Variants in PHLPP1 observed in about 807,000 individuals in gnomAD.
PHLPP1 encodes the protein PH domain leucine-rich repeat-containing protein phosphatase 1.
In PHLPP1, 42 loss-of-function variants were observed where a neutral mutation model predicts 117.2. The ratio of observed to expected loss-of-function variants is 0.36; its 90% CI spans 0.28 to 0.46. PHLPP1 has a LOEUF of 0.46. Among genes scored for constraint, PHLPP1 ranks in the 20% least tolerant of loss-of-function variants. The pLI is 1.00. For missense variants in PHLPP1, 2,084 were observed against 2,241.9 expected (o/e 0.93, Z 1.42); for synonymous variants, 1,042 against 970.7 (o/e 1.07, Z -1.37).
chr18:62,939,804 G>A (rs1910077086), intron 10 of PHLPP1, among the ~76,000 whole-genome samples: 1 of 152,034 alleles, frequency 6.6e-6, no homozygotes, highest in Admixed American at 6.6e-5. Flanking sequence ...AGCTTGAAGT[G>A]ACAGTCCTGG....
intron 1 of PHLPP1, among the ~76,000 whole-genome samples, chr18:62,764,436 G>T (rs1161989970): frequency 6.7e-6 from 1 of 149,840 alleles, no homozygotes; most frequent in Non-Finnish European, 1.5e-5. Flanking sequence ...ATGAAATTGG[G>T]GATGAACCAA....
intron 1 of PHLPP1, among the ~76,000 whole-genome samples, chr18:62,787,271 A>G (rs192937323): frequency 6.6e-6 from 1 of 152,112 alleles, no homozygotes; most frequent in Non-Finnish European, 1.5e-5. Context: ...CCTGTAAATG[A>G]TTCTCCTGCC....
rs150152781 is a variant in PHLPP1, at chr18:62,836,527, T to C, written c.1774-2257T>C. ...TTTTGATGCAACATTTTGTTCAAGA[T>C]AAATCTTTGTGACCATGGTTACCTG... On this transcript the variant is annotated intron_variant, in intron 2 of 16. Transcript: ENST00000262719. 7.8e-3 allele frequency among the ~76,000 whole-genome samples: 1,191 copies of C among 151,894 alleles called. 20 individuals are homozygous for C. Among genetic ancestry groups the C allele is most frequent in the African/African-American group, 0.027 (1,138 of 41,498 alleles).
chr18:62,869,720 G>A (rs138311293), intron 4 of PHLPP1, among the ~76,000 whole-genome samples: 277 of 152,280 alleles, frequency 1.8e-3, no homozygotes, highest in Non-Finnish European at 2.8e-3. Flanking sequence ...TTTGTTTAAG[G>A]TAGAGAATTT....
intron 4 of PHLPP1, among the ~76,000 whole-genome samples, chr18:62,891,725 A>AT (rs1916413595): frequency 2.3e-5 from 2 of 86,604 alleles, no homozygotes; most frequent in African/African-American, 8.6e-5. Context: ...CTTCGTCTCT[A>AT]CAAAAAAAAA....
chr18:62,868,896 A>T lies in PHLPP1; in HGVS notation c.2066+8295A>T, dbSNP rs183405814. Among the ~76,000 whole-genome samples the T allele has an allele frequency of 3.9e-5, 6 of 152,320 alleles. No homozygotes were observed. In the East Asian group the frequency reaches 1.2e-3, roughly 29 times the overall value. ...AGAGATCATATGTTCAATAATCAGCATCTCAGAAAATGAGTATATTACACT... is the reference window on the plus strand; with the variant it reads ...AGAGATCATATGTTCAATAATCAGCTTCTCAGAAAATGAGTATATTACACT... On this transcript the variant is annotated intron_variant, in intron 4 of 16. Coordinates refer to ENST00000262719, the MANE Select transcript of PHLPP1 (RefSeq NM_194449.4).
chr18:62,874,534 A>G (rs1482168850), intron 4 of PHLPP1, among the ~76,000 whole-genome samples: 8 of 152,102 alleles, frequency 5.3e-5, no homozygotes, highest in African/African-American at 1.9e-4. Context: ...AAGGGCAATT[A>G]TTTACCAAGT....
chr18:62,724,077 A>C (rs944309332), intron 1 of PHLPP1, among the ~76,000 whole-genome samples: 1 of 152,202 alleles, frequency 6.6e-6, no homozygotes, highest in African/African-American at 2.4e-5. Context: ...GAGGTTGCCA[A>C]CCAAACAAAG....
At chr18:62,752,907 AGT>A (rs1412618932) in intron 1 of PHLPP1, among the ~76,000 whole-genome samples, 3 of 152,252 alleles carry the variant, frequency 2.0e-5, no homozygotes, top group Non-Finnish European at 2.9e-5. Context: ...GTAGACAATA[AGT>A]GTGAATAACT....
chr18:62,819,603 TAAAA>T (rs776426488), intron 1 of PHLPP1, among the ~76,000 whole-genome samples: 3 of 152,122 alleles, frequency 2.0e-5, no homozygotes, highest in Non-Finnish European at 4.4e-5. Context: ...TTATCAGATT[TAAAA>T]AAAGAGGTAA....
At chr18:62,821,435 G>A (rs1914450544) in intron 1 of PHLPP1, among the ~76,000 whole-genome samples, 1 of 151,522 alleles carries the variant, frequency 6.6e-6, no homozygotes, top group Admixed American at 6.6e-5. Flanking sequence ...TGTAGTCCCA[G>A]CTACTTGGGA....
At chr18:62,913,732 TC>T in intron 8 of PHLPP1, among the ~76,000 whole-genome samples, 2 of 119,444 alleles carry the variant, frequency 1.7e-5, no homozygotes, top group South Asian at 5.2e-4. Flanking sequence ...TTTAGTTCTC[TC>T]TCTCTCTTTT....
At chr18:62,793,219 G>A (rs753162105) in intron 1 of PHLPP1, among the ~76,000 whole-genome samples, 1 of 152,188 alleles carries the variant, frequency 6.6e-6, no homozygotes, top group African/African-American at 2.4e-5. Context: ...CTTATCGAGT[G>A]AATGTAGATT....
At chr18:62,864,690 AGTT>A (rs1314220064) in intron 4 of PHLPP1, among the ~76,000 whole-genome samples, 2 of 152,270 alleles carry the variant, frequency 1.3e-5, no homozygotes, top group Admixed American at 6.5e-5. Flanking sequence ...TTAACTAGGC[AGTT>A]GTTGTGGAAC....
At chr18:62,759,775 C>A (rs991124474) in intron 1 of PHLPP1, among the ~76,000 whole-genome samples, 1 of 152,200 alleles carries the variant, frequency 6.6e-6, no homozygotes, top group African/African-American at 2.4e-5. Flanking sequence ...GCATTAAAAT[C>A]ATCTTACCAT....
Position 62,856,887 on chromosome 18 carries a change from C to A in PHLPP1, c.1900-3548C>A, listed in dbSNP as rs112905610. 2.9e-3 allele frequency among the ~76,000 whole-genome samples: 438 copies of A among 152,198 alleles called. 3 individuals carry two copies. The highest frequency in any genetic ancestry group is 0.01 in the African/African-American group (421 of 41,554). On this transcript the variant is annotated intron_variant, in intron 3 of 16. Transcript: ENST00000262719. The stretch of plus-strand genomic sequence containing the variant: ...CACTCTCACCAACCTATTTAAATTA[C>A]AATCCACCACCTTCCCAGCAGTCTT...
At chr18:62,832,325 C>T (rs1049947790) in intron 2 of PHLPP1, 15 of 152,040 alleles carry the variant, frequency 9.9e-5, no homozygotes, top group Admixed American at 9.8e-4. Flanking sequence ...TACATTTTTT[C>T]GGGTAAGAGG....
At chr18:62,837,519 A>G (rs184786682) in intron 2 of PHLPP1, among the ~76,000 whole-genome samples, 1 of 152,028 alleles carries the variant, frequency 6.6e-6, no homozygotes, top group Non-Finnish European at 1.5e-5. Flanking sequence ...GTATTTATCA[A>G]TTGTACTAGT....
At chr18:62,946,350 C>G (rs1910281349) in intron 12 of PHLPP1, among the ~76,000 whole-genome samples, 1 of 152,224 alleles carries the variant, frequency 6.6e-6, no homozygotes, top group African/African-American at 2.4e-5. Context: ...CAACCTCTCT[C>G]TGTCTTCCGG....
Sources: allele counts gnomAD v4.1 joint callset (sites outside exome capture counted in the v4.1 genomes callset), GRCh38; gene constraint gnomAD v4.1.1; transcripts MANE v1.5; gene names NCBI Gene and HGNC (gene_info 2026-07-23, HGNC 2026-07-21).